TRIM37: variants seen among roughly 807,000 people sequenced by gnomAD.
TRIM37 encodes the protein E3 ubiquitin-protein ligase TRIM37.
In TRIM37, 80 loss-of-function variants were observed where a neutral mutation model predicts 129.8. That is an observed-to-expected ratio of 0.62 (90% confidence interval 0.51 to 0.74). The LOEUF (loss-of-function observed/expected upper bound fraction) is 0.74. TRIM37 is among the 30% of genes least tolerant of loss of function. The probability of loss-of-function intolerance (pLI) is 0.00; values close to 1 mark genes in which losing one functional copy is unlikely to be tolerated. For missense variants in TRIM37, 1,054 were observed against 1,176.5 expected (o/e 0.90, Z 1.52); for synonymous variants, 389 against 387.1 (o/e 1.00, Z -0.06).
chr17:59,022,253 T>TA (rs1040319311), intron 19 of TRIM37, among the ~76,000 whole-genome samples: 4 of 152,188 alleles, frequency 2.6e-5, no homozygotes, highest in East Asian at 1.9e-4. Context: ...AGTGTTTTTT[T>TA]AAAAAAAGTA....
intron 16 of TRIM37, among the ~76,000 whole-genome samples, chr17:59,045,928 A>T (rs1388575945): frequency 6.6e-6 from 1 of 152,134 alleles, no homozygotes; most frequent in Admixed American, 6.6e-5. Context: ...AGGTGGAAGG[A>T]TCACTTGAAC....
At chr17:59,077,355 T>C (rs1404400325) in intron 7 of TRIM37, among the ~76,000 whole-genome samples, 5 of 152,032 alleles carry the variant, frequency 3.3e-5, no homozygotes, top group Admixed American at 1.3e-4. Context: ...CTAGAACTTT[T>C]ATTTTTGAAA....
intron 2 of TRIM37, among the ~76,000 whole-genome samples, chr17:59,094,217 A>T (rs1486771455): frequency 6.6e-6 from 1 of 152,194 alleles, no homozygotes; most frequent in Non-Finnish European, 1.5e-5. Context: ...TAATTTAATT[A>T]CAAAATAAAT....
At position 59,067,881 on chromosome 17, in the gene TRIM37, C is replaced by T. The variant is rs186410413; in HGVS notation, c.809+2942G>A. Among the ~76,000 whole-genome samples, 199 of 152,308 alleles carry T rather than the reference C, an allele frequency of 1.3e-3. 1 individual carries two copies. The highest frequency in any genetic ancestry group is 2.1e-3 in the Non-Finnish European group (141 of 68,042). ...CTCTTCTCCCATGCAGCACCTACAA[C>T]AATACTGGGCACATAGTCTTTAATA... On this transcript the variant is annotated intron_variant, in intron 9 of 23. Coordinates refer to ENST00000262294, the MANE Select transcript of TRIM37 (RefSeq NM_015294.6).
At chr17:59,051,187 C>T (rs1301888758) in intron 14 of TRIM37, 27 bp downstream of exon 14, 10 of 1,463,930 alleles carry the variant, frequency 6.8e-6, no homozygotes, top group South Asian at 1.1e-5. Context: ...ATAGGAAACA[C>T]CAAAACAGAA....
At chr17:59,099,132 G>A (rs1026291437) in intron 2 of TRIM37, among the ~76,000 whole-genome samples, 1 of 152,046 alleles carries the variant, frequency 6.6e-6, no homozygotes, top group African/African-American at 2.4e-5. Flanking sequence ...GTGGTGAGCC[G>A]AGATCGCACG....
rs571746688 is a variant in TRIM37, at chr17:59,089,227, C to A, written c.165-820G>T. 2.0e-5 allele frequency among the ~76,000 whole-genome samples: 3 copies of A among 152,272 alleles called. No homozygotes were observed. The South Asian group carries it at 6.2e-4, about 32-fold the overall frequency. ...CAAGATCATGCCTCTGCACTCCAGC[C>A]TGGGGAACAGAGTGAGAGCCTGTCT... On this transcript the variant is annotated intron_variant, in intron 3 of 23. Transcript: ENST00000262294.
chr17:59,057,313 C>A (rs943962778), intron 12 of TRIM37, among the ~76,000 whole-genome samples: 4 of 152,176 alleles, frequency 2.6e-5, no homozygotes, highest in Non-Finnish European at 4.4e-5. Flanking sequence ...ACTCCAGGTT[C>A]AAGTGATTCT....
At position 58,998,637 on chromosome 17, in the gene TRIM37, C is replaced by T. The variant is rs756780695; in HGVS notation, c.*740G>A. The T allele has an allele frequency of 2.0e-5, 20 of 984,984 alleles. No individual in the cohort carries two copies. Among genetic ancestry groups the T allele is most frequent in the South Asian group, 9.4e-5 (2 of 21,262 alleles). 61.0% of individuals were successfully genotyped at this position (984,984 alleles called of 1,614,324 possible). A position where few individuals can be genotyped will look rare whatever the true frequency, so the allele number is the denominator to read the frequency against. On this transcript the variant is annotated 3_prime_UTR_variant, in exon 24 of 24. Coordinates refer to ENST00000262294, the MANE Select transcript of TRIM37 (RefSeq NM_015294.6). ...TTTAAAATATTTGTTGCACTACAGT[C>T]GTATAGTAAGAGGCAGAAAAAAATG...
chr17:59,010,998 G>A (rs948818273), intron 22 of TRIM37, among the ~76,000 whole-genome samples: 6 of 151,772 alleles, frequency 4.0e-5, no homozygotes, highest in Admixed American at 1.3e-4. Flanking sequence ...GTGAAATCCC[G>A]TCTCTTACTA....
chr17:59,015,672 A>C lies in TRIM37; in HGVS notation c.2514T>G (p.Val838=). 1 of 1,614,164 alleles carries C rather than the reference A, an allele frequency of 6.2e-7. No individual in the cohort carries two copies. The highest frequency in any genetic ancestry group is 8.5e-7 in the Non-Finnish European group (1 of 1,180,026). ...GCAAGCCACTGAAAACTGCAACCAC[A>C]ACAGCATCTGAATCCAAAGCTTTAC... is the stretch of plus-strand genomic sequence containing the variant. ...RQCKALDSDA[V]VVAVFSGLPA... Residue 838 remains valine (V), a synonymous_variant, in exon 21 of 24, where the codon GTT becomes GTG. Coordinates refer to ENST00000262294, the MANE Select transcript of TRIM37 (RefSeq NM_015294.6).
intron 2 of TRIM37, among the ~76,000 whole-genome samples, chr17:59,101,800 A>T (rs986692523): frequency 6.7e-6 from 1 of 150,188 alleles, no homozygotes; most frequent in East Asian, 1.9e-4. Context: ...ATAGCCGGGC[A>T]TCATGGAGTG....
At position 58,999,409 on chromosome 17, in the gene TRIM37, T is replaced by G; in HGVS notation, c.2863A>C (p.Ser955Arg). The change falls in exon 24 of 24, where the codon AGC becomes CGC. Residue 955 changes from serine to arginine, a missense_variant. Around this residue, in one of 3 missense-constraint regions of TRIM37, gnomAD observed 287 missense variants for 274.3 expected, o/e 1.05. Transcript: ENST00000262294. ...DGEQIGPEDL[S>R]FNTDENSGR ...CCACTATTTTCATCTGTATTGAAGC[T>G]GAGATCTTCAGGGCCTATTTGTTCA... 6.2e-7 allele frequency: 1 copy of G among 1,613,858 alleles called. No homozygotes were observed. The highest frequency in any genetic ancestry group is 8.5e-7 in the Non-Finnish European group (1 of 1,179,840).
intron 8 of TRIM37, among the ~76,000 whole-genome samples, chr17:59,071,953 T>C (rs1351337717): frequency 6.6e-6 from 1 of 152,226 alleles, no homozygotes; most frequent in East Asian, 1.9e-4. Flanking sequence ...GTAAACTATC[T>C]GTTATGTGCT....
At position 59,056,970 on chromosome 17, in the gene TRIM37, T is replaced by C; in HGVS notation, c.1104A>G (p.Glu368=). Residue 368 remains glutamate, a synonymous_variant, in exon 13 of 24, where the codon GAA becomes GAG. Transcript: ENST00000262294. The part of the protein sequence containing the change: ...NIIREFASDF[E]VGECWGYNRF... ...TATTATAGCCCCAGCATTCTCCAAC[T>C]TCAAAGTCAGATGCAAATTCTCGAA... 1 of 1,613,856 alleles carries C rather than the reference T, an allele frequency of 6.2e-7. No homozygotes were observed. Among genetic ancestry groups the C allele is most frequent in the South Asian group, 1.1e-5 (1 of 91,074 alleles).
At chr17:59,038,049 C>T (rs975264858) in intron 17 of TRIM37, among the ~76,000 whole-genome samples, 1 of 152,088 alleles carries the variant, frequency 6.6e-6, no homozygotes, top group African/African-American at 2.4e-5. Flanking sequence ...CATGACTTAT[C>T]ACTTACAATA....
intron 8 of TRIM37, among the ~76,000 whole-genome samples, chr17:59,074,092 ATG>A (rs747594310): frequency 1.1e-4 from 16 of 152,248 alleles, no homozygotes; most frequent in Non-Finnish European, 1.8e-4. Flanking sequence ...GCAGTGCAGT[ATG>A]TGTGTTTACA....
intron 23 of TRIM37, among the ~76,000 whole-genome samples, chr17:59,000,807 A>C (rs573157360): frequency 4.1e-4 from 62 of 152,182 alleles, no homozygotes; most frequent in Non-Finnish European, 8.4e-4. Context: ...AGGAAAAAAA[A>C]CCCAAACATC....
chr17:59,046,465 A>C (rs1286404498), intron 16 of TRIM37, among the ~76,000 whole-genome samples: 2 of 152,180 alleles, frequency 1.3e-5, no homozygotes, highest in Non-Finnish European at 2.9e-5. Flanking sequence ...GAAACTTCAG[A>C]CTAATCCAAA....
Sources: allele counts gnomAD v4.1 joint callset (sites outside exome capture counted in the v4.1 genomes callset), GRCh38; gene constraint gnomAD v4.1.1; regional missense constraint gnomAD v4.1.1; transcripts MANE v1.5; gene names NCBI Gene and HGNC (gene_info 2026-07-23, HGNC 2026-07-21).